Variants in LMNA observed in about 807,000 individuals in gnomAD.
The protein encoded by LMNA is lamin A/C.
LMNA carries 20 observed loss-of-function variants against 70.4 expected under a neutral mutation model. The observed-to-expected ratio is 0.28, with a 90% CI of 0.20 to 0.41. The LOEUF is 0.41. Ranked by LOEUF, LMNA falls within the 10% of genes least tolerant of loss-of-function variation. The pLI, the probability that LMNA is intolerant of heterozygous loss-of-function variation, is 1.00. For missense variants in LMNA, 652 were observed against 917.2 expected (o/e 0.71, Z 3.73); for synonymous variants, 339 against 372.8 (o/e 0.91, Z 1.04).
At chr1:156,133,901 A>G (rs1651294643) in intron 2 of LMNA, among the ~76,000 whole-genome samples, 2 of 152,042 alleles carry the variant, frequency 1.3e-5, no homozygotes, top group East Asian at 1.9e-4. Flanking sequence ...GAGCCCCCCA[A>G]AAGTACCCCA....
upstream of LMNA, among the ~76,000 whole-genome samples, chr1:156,111,356 G>A (rs1649533458): frequency 6.6e-6 from 1 of 151,914 alleles, no homozygotes; most frequent in Non-Finnish European, 1.5e-5. Flanking sequence ...GGCTAAGGCA[G>A]GAGAAGCGCT....
Position 156,114,739 on chromosome 1 carries a change from C to T in LMNA, c.-180C>T, listed in dbSNP as rs1402665874. On this transcript the variant is annotated 5_prime_UTR_variant, in exon 1 of 12. Transcript: ENST00000368300. Reference sequence around the variant, plus strand: ...GTTCGCGGGAGCGCCGCACCTACACCAGCCAACCCAGATCCCGAGGTCCGA... The same window carrying T: ...GTTCGCGGGAGCGCCGCACCTACACTAGCCAACCCAGATCCCGAGGTCCGA... The T allele has an allele frequency of 3.5e-6, 2 of 577,412 alleles. No individual in the cohort carries two copies. Among genetic ancestry groups the T allele is most frequent in the Non-Finnish European group, 6.0e-6 (2 of 331,660 alleles). 35.8% of individuals were successfully genotyped at this position (577,412 alleles called of 1,614,324 possible). A position where few individuals can be genotyped will look rare whatever the true frequency, so the allele number is the denominator to read the frequency against.
chr1:156,126,103 A>G, intron 1 of LMNA: 1 of 1,368,340 alleles, frequency 7.3e-7, no homozygotes, highest in Non-Finnish European at 9.8e-7. Context: ...GACTCCCTGT[A>G]CCCACCCGGC....
At chr1:156,124,128 T>C (rs1346406910) in intron 1 of LMNA, among the ~76,000 whole-genome samples, 2 of 152,214 alleles carry the variant, frequency 1.3e-5, no homozygotes, top group African/African-American at 4.8e-5. Flanking sequence ...CCATGCCTGC[T>C]GTGGGTGCAC....
chr1:156,121,752 G>T (rs1669861704), intron 1 of LMNA, among the ~76,000 whole-genome samples: 1 of 152,080 alleles, frequency 6.6e-6, no homozygotes, highest in Non-Finnish European at 1.5e-5. Context: ...AGACACAAGG[G>T]CAGGGTTCAT....
At chr1:156,089,108 G>A (rs959353314) in intron 2 of LMNA, among the ~76,000 whole-genome samples, 5 of 152,050 alleles carry the variant, frequency 3.3e-5, no homozygotes, top group Admixed American at 1.3e-4. Flanking sequence ...TTCCTGAGTT[G>A]TTTGGTCTAC....
In LMNA at chr1:156,135,153, C is replaced by T. The variant is rs761161517; in HGVS notation, c.811-34C>T. 6.2e-7 allele frequency: 1 copy of T among 1,613,934 alleles called. No homozygotes were observed. Among genetic ancestry groups the T allele is most frequent in the Non-Finnish European group, 8.5e-7 (1 of 1,180,004 alleles). On this transcript the variant is annotated intron_variant, in intron 4 of 11. Coordinates refer to ENST00000368300, the MANE Select transcript of LMNA (RefSeq NM_170707.4). This position sits in a 1 kb window ranked among gnomAD's most constrained non-coding sequence, Gnocchi z 4.8. ...GGCCTGTGCCTCCACCCCTCCCAGT[C>T]ACCACAGTCCTAACCCTTTGTCCTC...
chr1:156,117,893 CCTGGG>C (rs1322606012), intron 1 of LMNA, among the ~76,000 whole-genome samples: 1 of 151,884 alleles, frequency 6.6e-6, no homozygotes, highest in Non-Finnish European at 1.5e-5. Flanking sequence ...TGGAACTCCT[CCTGGG>C]CTCAAGCGAT....
At chr1:156,096,508 C>A (rs1285015199) in intron 3 of LMNA, among the ~76,000 whole-genome samples, 1 of 152,210 alleles carries the variant, frequency 6.6e-6, no homozygotes, top group Non-Finnish European at 1.5e-5. Context: ...CTTAATCATC[C>A]CTTCCTCAGG....
At chr1:156,126,133 G>A in intron 1 of LMNA, 5 of 1,500,354 alleles carry the variant, frequency 3.3e-6, no homozygotes, top group Non-Finnish European at 4.4e-6. Flanking sequence ...CGATGTTCCT[G>A]GGAGACAGGA....
upstream of LMNA, among the ~76,000 whole-genome samples, chr1:156,110,821 T>G (rs1041058882): frequency 2.7e-5 from 4 of 150,232 alleles, no homozygotes; most frequent in African/African-American, 9.8e-5. Flanking sequence ...ACTAAAAATA[T>G]AAAAATTAGC....
intron 1 of LMNA, among the ~76,000 whole-genome samples, chr1:156,127,438 G>C (rs1650680532): frequency 6.7e-6 from 1 of 149,564 alleles, no homozygotes; most frequent in South Asian, 2.1e-4. Context: ...GTGTGTCTTA[G>C]TCCTTTAATC....
At chr1:156,131,188 G>A (rs1048459298) in intron 2 of LMNA, among the ~76,000 whole-genome samples, 14 of 151,622 alleles carry the variant, frequency 9.2e-5, no homozygotes, top group African/African-American at 3.1e-4. Context: ...GGAGAATGGC[G>A]TGAGCCTGCG....
rs61726478 is a variant in LMNA at position 156,130,654 on chromosome 1, G to T, written c.394G>T (p.Ala132Ser). 7.4e-6 allele frequency: 12 copies of T among 1,613,940 alleles called. No individual in the cohort carries two copies. The East Asian group carries it at 1.1e-4, about 15-fold the overall frequency. The change falls in exon 2 of 12, where the codon GCT becomes TCT. Residue 132 changes from alanine to serine, a missense_variant. Around this residue, in one of 4 missense-constraint regions of LMNA, gnomAD observed 254 missense variants for 421.9 expected, o/e 0.60. Transcript: ENST00000368300. ...KKEGDLIAAQ[A>S]RLKDLEALLN... The stretch of plus-strand genomic sequence containing the variant: ...GGAGGGTGACCTGATAGCTGCTCAG[G>T]CTCGGCTGAAGGACCTGGAGGCTCT...
Position 156,136,735 on chromosome 1 carries a change from C to T in LMNA, c.1381-186C>T. On this transcript the variant is annotated intron_variant, in intron 7 of 11. Transcript: ENST00000368300. This position sits in a 1 kb window ranked among gnomAD's most constrained non-coding sequence, Gnocchi z 6.1. ...GATGAAAGATAAGGTATCCGTGTGCCTGGTGCTGCGTATGTGTCCACAGAT... is the reference window on the plus strand; with the variant it reads ...GATGAAAGATAAGGTATCCGTGTGCTTGGTGCTGCGTATGTGTCCACAGAT... 1.4e-6 allele frequency: 1 copy of T among 698,088 alleles called. No homozygotes were observed. The highest frequency in any genetic ancestry group is 2.7e-5 in the East Asian group (1 of 37,112). 43.2% of individuals were successfully genotyped at this position (698,088 alleles called of 1,614,324 possible). A position where few individuals can be genotyped will look rare whatever the true frequency, so the allele number is the denominator to read the frequency against.
At chr1:156,126,672 C>A in intron 1 of LMNA, 1 of 1,451,588 alleles carries the variant, frequency 6.9e-7, no homozygotes, top group Non-Finnish European at 9.5e-7. Flanking sequence ...ACTCTCATTT[C>A]TACCTTATTC....
In LMNA at chr1:156,136,245, C is replaced by T. The variant is rs374726751; in HGVS notation, c.1189C>T (p.Arg397Cys). The change falls in exon 7 of 12, where the codon CGC becomes TGC. Residue 397 changes from arginine (R) to cysteine (C), a missense_variant. Arg to Cys is a radical substitution (Grantham distance 180). This residue lies in a region of LMNA where 327 missense variants were observed against 387.6 expected (regional missense o/e 0.84). Coordinates refer to ENST00000368300, the MANE Select transcript of LMNA (RefSeq NM_170707.4). The surrounding 1 kb of genome is among the most constrained non-coding windows in gnomAD (Gnocchi z 6.1). ...LRLSPSPTSQ[R>C]SRGRASSHSS... ...CCTGTCCCCCAGCCCTACCTCGCAG[C>T]GCAGCCGTGGCCGTGCTTCCTCTCA... 2.3e-5 allele frequency: 37 copies of T among 1,611,902 alleles called. 1 individual carries two copies. Among genetic ancestry groups the T allele is most frequent in the Middle Eastern group, 3.5e-4 (2 of 5,768 alleles).
chr1:156,088,545 C>T (rs2102787255), intron 2 of LMNA, among the ~76,000 whole-genome samples: 1 of 149,366 alleles, frequency 6.7e-6, no homozygotes, highest in Admixed American at 6.6e-5. Flanking sequence ...TGGCTCCTGC[C>T]TATAATCCCA....
chr1:156,126,468 G>A (rs1650584651), intron 1 of LMNA: 1 of 633,136 alleles, frequency 1.6e-6, no homozygotes, highest in African/African-American at 1.8e-5. Flanking sequence ...CATCAGAGTT[G>A]GGCTGAGCAG....
Sources: allele counts gnomAD v4.1 joint callset (sites outside exome capture counted in the v4.1 genomes callset), GRCh38; gene constraint gnomAD v4.1.1; regional missense constraint gnomAD v4.1.1; non-coding constraint Gnocchi (gnomAD v3.1); transcripts MANE v1.5; gene names NCBI Gene and HGNC (gene_info 2026-07-23, HGNC 2026-07-21).